PDE4D: variants seen among roughly 807,000 people sequenced by gnomAD.
PDE4D encodes phosphodiesterase 4D.
A neutral mutation model predicts 87.4 loss-of-function variants in PDE4D; 24 were observed. That is an observed-to-expected ratio of 0.27 (90% CI 0.20 to 0.39). The LOEUF is 0.39. Among genes scored for constraint, PDE4D ranks in the 10% least tolerant of loss-of-function variants. The pLI is 1.00. For missense variants in PDE4D, 714 were observed against 1,041.0 expected (o/e 0.69, Z 4.32); for synonymous variants, 384 against 383.2 (o/e 1.00, Z -0.02).
intron 1 of PDE4D, among the ~76,000 whole-genome samples, chr5:60,420,398 G>C (rs1417548002): frequency 6.6e-6 from 1 of 152,142 alleles, no homozygotes. Flanking sequence ...CAAAGATTTG[G>C]ACTAACAAAG....
intron 1 of PDE4D, among the ~76,000 whole-genome samples, chr5:60,449,260 G>C (rs1745899837): frequency 6.6e-6 from 1 of 151,820 alleles, no homozygotes; most frequent in African/African-American, 2.4e-5. Context: ...CCTATAGGAT[G>C]GCCACTGAGA....
At chr5:59,703,653 A>G in intron 1 of PDE4D, 1 of 531,890 alleles carries the variant, frequency 1.9e-6, no homozygotes, top group Non-Finnish European at 3.9e-6. Context: ...AACCAGTTAC[A>G]ATTAGTTAGA....
chr5:59,391,772 T>C (rs1181028744), intron 1 of PDE4D, among the ~76,000 whole-genome samples: 2 of 151,932 alleles, frequency 1.3e-5, no homozygotes, highest in African/African-American at 4.8e-5. Context: ...TGTACCTCCT[T>C]CATGTTTGCT....
intron 1 of PDE4D, among the ~76,000 whole-genome samples, chr5:59,711,738 T>C (rs1385501377): frequency 6.6e-6 from 1 of 152,204 alleles, no homozygotes; most frequent in African/African-American, 2.4e-5. Context: ...TAATACACTA[T>C]GCATCTTCTT....
At chr5:60,349,445 T>G (rs1759001962) in intron 1 of PDE4D, among the ~76,000 whole-genome samples, 1 of 152,180 alleles carries the variant, frequency 6.6e-6, no homozygotes, top group African/African-American at 2.4e-5. Flanking sequence ...TTTATTTTCC[T>G]TTTTCCTATT....
intron 1 of PDE4D, among the ~76,000 whole-genome samples, chr5:60,210,754 AT>A (rs36007402): frequency 0.011 from 1,641 of 145,886 alleles, 27 homozygotes; most frequent in African/African-American, 0.034. Context: ...GGGTTTCCTA[AT>A]TTTTTTTTTT....
chr5:60,495,873 C>G (rs1583935288), intron 1 of PDE4D, among the ~76,000 whole-genome samples: 1 of 152,262 alleles, frequency 6.6e-6, no homozygotes, highest in Non-Finnish European at 1.5e-5. Flanking sequence ...CAGAAATTCC[C>G]AATGTAAAAA....
chr5:59,701,405 A>C lies in PDE4D; in HGVS notation c.455+191763T>G, dbSNP rs370530451. Among the ~76,000 whole-genome samples the C allele has an allele frequency of 3.3e-5, 5 of 152,300 alleles. 1 individual carries two copies. Among genetic ancestry groups the C allele is most frequent in the African/African-American group, 1.2e-4 (5 of 41,564 alleles). ...CTAAATTCCCTGAGAAAAGGTTATT[A>C]TTTGTATTATTTATGTTAGTGTCTT... On this transcript the variant is annotated intron_variant, in intron 1 of 14. Transcript: ENST00000340635.
At chr5:60,494,183 G>A (rs1749689820) in intron 1 of PDE4D, among the ~76,000 whole-genome samples, 1 of 152,148 alleles carries the variant, frequency 6.6e-6, no homozygotes, top group African/African-American at 2.4e-5. Context: ...TTTGCATGGG[G>A]CCTGGCAAGG....
intron 5 of PDE4D, among the ~76,000 whole-genome samples, chr5:59,110,083 A>C (rs1006475757): frequency 3.3e-5 from 5 of 152,322 alleles, no homozygotes; most frequent in Non-Finnish European, 5.9e-5. Context: ...AAATCTGTCT[A>C]TTCTAAATCC....
At chr5:59,660,932 T>A (rs1406532065) in intron 1 of PDE4D, among the ~76,000 whole-genome samples, 4 of 151,948 alleles carry the variant, frequency 2.6e-5, no homozygotes, top group Non-Finnish European at 5.9e-5. Flanking sequence ...TCTACCACTC[T>A]TAGATCATAA....
chr5:59,319,337 A>G (rs1158069436), intron 1 of PDE4D, among the ~76,000 whole-genome samples: 4 of 151,956 alleles, frequency 2.6e-5, no homozygotes, highest in African/African-American at 7.3e-5. Flanking sequence ...AAAAAAGTCT[A>G]CTCTCCTGGT....
intron 1 of PDE4D, among the ~76,000 whole-genome samples, chr5:59,611,156 G>T (rs975820068): frequency 6.6e-6 from 1 of 152,168 alleles, no homozygotes; most frequent in Non-Finnish European, 1.5e-5. Context: ...AGTCCTAGAA[G>T]CTAAGAAGTC....
intron 1 of PDE4D, among the ~76,000 whole-genome samples, chr5:59,294,855 C>A (rs1345227228): frequency 6.6e-6 from 1 of 152,058 alleles, no homozygotes; most frequent in African/African-American, 2.4e-5. Context: ...AAGCTAATAA[C>A]TAGGAACAGT....
chr5:59,094,216 C>CA (rs1164383460), intron 5 of PDE4D, among the ~76,000 whole-genome samples: 5,402 of 14,532 alleles, frequency 0.37, 2,239 homozygotes, highest in East Asian at 0.67. Flanking sequence ...GACTCCGTCT[C>CA]AAAAAAAAAA....
At chr5:59,853,058 T>C (rs1744914347) in intron 1 of PDE4D, among the ~76,000 whole-genome samples, 1 of 152,068 alleles carries the variant, frequency 6.6e-6, no homozygotes, top group Non-Finnish European at 1.5e-5. Flanking sequence ...ACACCTTTCT[T>C]TATATGTCTT....
chr5:60,046,664 T>A (rs1460386551), intron 2 of PDE4D, among the ~76,000 whole-genome samples: 2 of 152,230 alleles, frequency 1.3e-5, no homozygotes, highest in African/African-American at 4.8e-5. Flanking sequence ...TATGCTGGAT[T>A]ACATTTATTG....
chr5:59,204,467 A>G lies in PDE4D; in HGVS notation c.648-10931T>C, dbSNP rs549151443. Among the ~76,000 whole-genome samples, 8 of 152,342 alleles carry G rather than the reference A, an allele frequency of 5.3e-5. No individual in the cohort carries two copies. The South Asian group carries it at 1.5e-3, about 28-fold the overall frequency. ...AGACTATCTCTGTTAGAAATGATAC[A>G]CCAAAATTTTCCAAGTTAAATAATT... On this transcript the variant is annotated intron_variant, in intron 2 of 14. Transcript: ENST00000340635.
chr5:59,402,343 T>C (rs1252869002), intron 1 of PDE4D, among the ~76,000 whole-genome samples: 1 of 152,172 alleles, frequency 6.6e-6, no homozygotes, highest in Non-Finnish European at 1.5e-5. Context: ...TGAAGTGAGA[T>C]AATTTAACCT....
Sources: allele counts gnomAD v4.1 joint callset (sites outside exome capture counted in the v4.1 genomes callset), GRCh38; gene constraint gnomAD v4.1.1; transcripts MANE v1.5; gene names NCBI Gene and HGNC (gene_info 2026-07-23, HGNC 2026-07-21).